Variants in TPO observed in about 807,000 individuals in gnomAD.
The protein encoded by TPO is thyroid microsomal antigen.
Under a neutral mutation model 96.9 loss-of-function variants are expected in TPO, and 78 were observed. The ratio of observed to expected loss-of-function variants is 0.81; its 90% CI spans 0.67 to 0.97. The LOEUF is 0.97. Ranked by LOEUF, TPO falls within the 50% of genes least tolerant of loss-of-function variation. The pLI is 0.00. For synonymous variants in TPO, 547 were observed against 538.0 expected, an observed-to-expected ratio of 1.02 and a Z score of -0.23; for missense variants, 1,252 against 1,274.8, an observed-to-expected ratio of 0.98 and a Z score of 0.27.
chr2:1,496,825 A>C, intron 13 of TPO, 60 bp downstream of exon 13: 1 of 1,611,602 alleles, frequency 6.2e-7, no homozygotes, highest in East Asian at 2.2e-5. Flanking sequence ...ATAAGTTAAC[A>C]ATGCAATGTC....
intron 15 of TPO, among the ~76,000 whole-genome samples, chr2:1,527,341 C>T (rs559964863): frequency 2.2e-5 from 3 of 139,098 alleles, no homozygotes; most frequent in East Asian, 2.6e-4. Context: ...CCCAAAATAC[C>T]CCCCGTGAGC....
chr2:1,512,289 C>T (rs756222062), intron 14 of TPO: 193 of 551,258 alleles, frequency 3.5e-4, no homozygotes, highest in Non-Finnish European at 4.1e-4. Flanking sequence ...TTTCTATAAA[C>T]GCTGAAGCCA....
At chr2:1,530,458 C>T (rs1677833846) in intron 15 of TPO, among the ~76,000 whole-genome samples, 1 of 148,134 alleles carries the variant, frequency 6.8e-6, no homozygotes, top group South Asian at 2.2e-4. Flanking sequence ...CCCGAAATCC[C>T]ATCAACTGTG....
intron 1 of TPO, among the ~76,000 whole-genome samples, chr2:1,382,435 T>A (rs1661824651): frequency 6.6e-6 from 1 of 152,196 alleles, no homozygotes; most frequent in Non-Finnish European, 1.5e-5. Flanking sequence ...CATGCCTTAC[T>A]GGCCAGCAAC....
chr2:1,487,386 C>T (rs1671269461), intron 9 of TPO, among the ~76,000 whole-genome samples: 1 of 152,170 alleles, frequency 6.6e-6, no homozygotes, highest in South Asian at 2.1e-4. Context: ...TCAGGAAACT[C>T]TGGAATCACA....
intron 13 of TPO, among the ~76,000 whole-genome samples, chr2:1,497,769 A>G (rs1672502453): frequency 6.6e-6 from 1 of 152,152 alleles, no homozygotes. Context: ...ACGTGCTATG[A>G]GCTGCACTTA....
At chr2:1,399,350 T>C (rs1372201633) in intron 1 of TPO, among the ~76,000 whole-genome samples, 1 of 152,230 alleles carries the variant, frequency 6.6e-6, no homozygotes, top group Non-Finnish European at 1.5e-5. Flanking sequence ...AGCAGCCCCC[T>C]TATCCAAAGG....
At chr2:1,460,558 C>T (rs973965842) in intron 7 of TPO, among the ~76,000 whole-genome samples, 5 of 152,136 alleles carry the variant, frequency 3.3e-5, no homozygotes, top group Non-Finnish European at 5.9e-5. Flanking sequence ...AACTTATTAG[C>T]TGCATGTATA....
intron 15 of TPO, among the ~76,000 whole-genome samples, chr2:1,527,315 C>A (rs1676814564): frequency 7.1e-6 from 1 of 140,114 alleles, no homozygotes; most frequent in South Asian, 2.4e-4. Context: ...CCCCAAATCC[C>A]CTCACTGTGT....
intron 7 of TPO, among the ~76,000 whole-genome samples, chr2:1,476,223 A>G (rs1457766010): frequency 2.0e-5 from 3 of 152,176 alleles, no homozygotes; most frequent in South Asian, 2.1e-4. Context: ...AATCTGTCCA[A>G]CCCCGGTGAT....
intron 8 of TPO, among the ~76,000 whole-genome samples, chr2:1,483,308 G>C (rs938885784): frequency 6.6e-6 from 1 of 152,344 alleles, no homozygotes; most frequent in Admixed American, 6.5e-5. Context: ...TGGCTCACAA[G>C]TCAAACTTCA....
chr2:1,542,353 C>CAAGT (rs1680859161), intron 16 of TPO, 68 bp from the exon 17 acceptor site: 6 of 1,595,926 alleles, frequency 3.8e-6, no homozygotes, highest in Non-Finnish European at 5.1e-6. Context: ...TGTCTTGTAT[C>CAAGT]AAGTGTGTGC....
At chr2:1,454,717 C>T (rs1013951207) in intron 6 of TPO, among the ~76,000 whole-genome samples, 14 of 152,280 alleles carry the variant, frequency 9.2e-5, no homozygotes, top group African/African-American at 2.6e-4. Flanking sequence ...TCTTACCCAC[C>T]TTATGCTCAA....
chr2:1,393,272 T>A (rs1514681), intron 1 of TPO, among the ~76,000 whole-genome samples: 4 of 151,984 alleles, frequency 2.6e-5, no homozygotes, highest in Non-Finnish European at 5.9e-5. Flanking sequence ...CAAGAACTCA[T>A]TCACTATGAG....
chr2:1,537,121 C>CA (rs1679913162), intron 15 of TPO, among the ~76,000 whole-genome samples: 1 of 99,406 alleles, frequency 1.0e-5, no homozygotes. Flanking sequence ...CTAGATCCCC[C>CA]CTATGTGCAA....
At chr2:1,418,938 A>C (rs1663224940) in intron 2 of TPO, among the ~76,000 whole-genome samples, 1 of 152,248 alleles carries the variant, frequency 6.6e-6, no homozygotes, top group South Asian at 2.1e-4. Context: ...GCTTAGAATT[A>C]GGAGCAAAGC....
chr2:1,441,608 C>T (rs1433285039), intron 5 of TPO, among the ~76,000 whole-genome samples: 1 of 152,168 alleles, frequency 6.6e-6, no homozygotes, highest in Non-Finnish European at 1.5e-5. Flanking sequence ...GATCAGGGTC[C>T]TCGACTCTGC....
intron 7 of TPO, among the ~76,000 whole-genome samples, chr2:1,474,157 C>T (rs1219815178): frequency 6.6e-6 from 1 of 152,184 alleles, no homozygotes; most frequent in Non-Finnish European, 1.5e-5. Flanking sequence ...TATATTTTAG[C>T]AATTCCAATC....
At position 1,436,325 on chromosome 2, in the gene TPO, A is replaced by T. The variant is rs1305342398; in HGVS notation, c.423A>T (p.Lys141Asn). The T allele has an allele frequency of 8.7e-6, 14 of 1,614,070 alleles. No homozygotes were observed. The highest frequency in any genetic ancestry group is 1.3e-5 in the African/African-American group (1 of 74,922). Residue 141 changes from lysine (K) to asparagine (N), a missense_variant, in exon 5 of 17, where the codon AAA becomes AAT. By Grantham distance (94) the Lys-to-Asn change is moderately conservative. Transcript: ENST00000329066. Reference protein sequence around the residue: ...SGCLPYMLPPKCPNTCLANKY... With the variant: ...SGCLPYMLPPNCPNTCLANKY... ...GTCTCCCTTACATGCTGCCCCCAAA[A>T]TGCCCAAACACTTGCCTGGCGAACA...
Sources: allele counts gnomAD v4.1 joint callset (sites outside exome capture counted in the v4.1 genomes callset), GRCh38; gene constraint gnomAD v4.1.1; transcripts MANE v1.5; gene names NCBI Gene and HGNC (gene_info 2026-07-23, HGNC 2026-07-21).